Variants in GLOD4 observed in about 807,000 individuals in gnomAD.
GLOD4 encodes glyoxalase domain containing 4.
Under a neutral mutation model 39.1 loss-of-function variants are expected in GLOD4, and 44 were observed. The ratio of observed to expected loss-of-function variants is 1.13; its 90% CI spans 0.88 to 1.45. GLOD4 has a LOEUF of 1.45. GLOD4 is among the 40% of genes most tolerant of loss of function. The probability of loss-of-function intolerance (pLI) is 0.00; values close to 1 mark genes in which losing one functional copy is unlikely to be tolerated. For missense variants in GLOD4, 405 were observed against 366.4 expected (o/e 1.11, Z -0.86); for synonymous variants, 145 against 135.0 (o/e 1.07, Z -0.52).
At chr17:772,867 C>G (rs895840106) in intron 4 of GLOD4, among the ~76,000 whole-genome samples, 1 of 151,854 alleles carries the variant, frequency 6.6e-6, no homozygotes, top group African/African-American at 2.4e-5. Flanking sequence ...TGCTGGCGGG[C>G]GCCTGTGGTC....
At chr17:784,394 G>T (rs1910436776), upstream of GLOD4, among the ~76,000 whole-genome samples, 1 of 152,194 alleles carries the variant, frequency 6.6e-6, no homozygotes, top group South Asian at 2.1e-4. Context: ...ACTAGCTACA[G>T]CCCTCTAATC....
intron 4 of GLOD4, among the ~76,000 whole-genome samples, chr17:775,537 A>G (rs557862705): frequency 5.9e-5 from 9 of 152,356 alleles, no homozygotes; most frequent in Admixed American, 3.9e-4. Context: ...TTATTTACAG[A>G]TGAAAGAATC....
chr17:764,739 T>C (rs1051551931), intron 8 of GLOD4: 5 of 151,300 alleles, frequency 3.3e-5, no homozygotes, highest in African/African-American at 1.2e-4. Flanking sequence ...CCGGGCGCGG[T>C]GGCTCACACC....
At chr17:781,294 T>C (rs533202652) in intron 1 of GLOD4, among the ~76,000 whole-genome samples, 195 of 152,322 alleles carry the variant, frequency 1.3e-3, no homozygotes, top group African/African-American at 4.6e-3. Flanking sequence ...GTTTCTGCTA[T>C]CGAAAGTTTG....
chr17:775,902 A>G lies in GLOD4; in HGVS notation c.279T>C (p.Ser93=). The change falls in exon 4 of 9, where the codon TCT becomes TCC. Residue 93 remains serine, a synonymous_variant. Transcript: ENST00000301329. ...TCCTGGCGTTGCTGACAGCCTGGCTAGAAGCGAGCGTGATTCCCTACAACA... is the reference window on the plus strand; with the variant it reads ...TCCTGGCGTTGCTGACAGCCTGGCTGGAAGCGAGCGTGATTCCCTACAACA... ...GNDFMGITLA[S]SQAVSNARKL... The G allele has an allele frequency of 6.2e-7, 1 of 1,613,494 alleles. No individual in the cohort carries two copies. The highest frequency in any genetic ancestry group is 1.3e-5 in the African/African-American group (1 of 75,056).
intron 8 of GLOD4, among the ~76,000 whole-genome samples, chr17:769,360 G>A (rs1269964897): frequency 2.7e-5 from 4 of 149,826 alleles, no homozygotes; most frequent in Non-Finnish European, 5.9e-5. Flanking sequence ...GAGAGCTGAG[G>A]GGAACGGATG....
upstream of GLOD4, chr17:783,017 C>T: frequency 1.3e-6 from 2 of 1,544,710 alleles, no homozygotes; most frequent in East Asian, 2.3e-5. Flanking sequence ...TCTGTTACAA[C>T]TAAGCGTGTC....
intron 8 of GLOD4, 28 bp downstream of exon 8, chr17:769,841 G>C: frequency 7.9e-7 from 1 of 1,273,462 alleles, no homozygotes; most frequent in Non-Finnish European, 1.2e-6. Flanking sequence ...CAGGCCCATG[G>C]TGACATAAAT....
At chr17:782,316 G>C (rs761090178), upstream of GLOD4, 1 of 1,611,336 alleles carries the variant, frequency 6.2e-7, no homozygotes, top group East Asian at 2.2e-5. Flanking sequence ...AGGGCGCCAC[G>C]GGCCGTGACG....
At chr17:783,394 T>C, upstream of GLOD4, 2 of 1,472,468 alleles carry the variant, frequency 1.4e-6, no homozygotes, top group Non-Finnish European at 1.8e-6. Context: ...TGGAGTGCAA[T>C]GGCGCGATCT....
At chr17:777,079 T>A in intron 2 of GLOD4, 91 bp from the exon 3 acceptor site, 1 of 1,233,714 alleles carries the variant, frequency 8.1e-7, no homozygotes, top group Admixed American at 1.7e-5. Flanking sequence ...GAGATGAGCA[T>A]TCCTGTCTGG....
rs187368355 is a variant in GLOD4, at chr17:761,960, A to G, written c.832-1722T>C. On this transcript the variant is annotated intron_variant, in intron 8 of 8. Coordinates refer to ENST00000301329, the MANE Select transcript of GLOD4 (RefSeq NM_016080.4). ...AGGGGACTTAGGGAGGCAGGTGGGA[A>G]AGAAGGTCAGAGGGTAGAGAATGTC... 1.0e-3 allele frequency among the ~76,000 whole-genome samples: 152 copies of G among 152,336 alleles called. 2 individuals carry two copies. The highest frequency in any genetic ancestry group is 3.6e-3 in the African/African-American group (149 of 41,568).
chr17:774,930 G>C (rs544004874), intron 4 of GLOD4, among the ~76,000 whole-genome samples: 1 of 152,004 alleles, frequency 6.6e-6, no homozygotes, highest in African/African-American at 2.4e-5. Flanking sequence ...TGAGCTGGGC[G>C]TGGTGGCATG....
At chr17:777,531 A>C (rs962678229) in intron 2 of GLOD4, 2 of 153,026 alleles carry the variant, frequency 1.3e-5, no homozygotes, top group African/African-American at 4.8e-5. Context: ...AGTCCCACGT[A>C]CTAGGGAGGC....
chr17:781,021 G>A (rs2750012), intron 1 of GLOD4, among the ~76,000 whole-genome samples: 130,963 of 150,362 alleles, frequency 0.87, 57,241 homozygotes, highest in African/African-American at 0.95. Flanking sequence ...CCCAGATACA[G>A]GCGATTCTCT....
At position 770,075 on chromosome 17, in the gene GLOD4, GCTTTCC is replaced by G; in HGVS notation, c.707_712del (p.Gly236_Lys237del). On this transcript the variant is annotated inframe_deletion, in exon 7 of 9. Transcript: ENST00000301329. ...GGCCAGAATGACCACCTGTACTGTT[GCTTTCC>G]CTGGGGTGTCCAGGCTCACCAGGGG... 6.2e-7 allele frequency: 1 copy of G among 1,611,316 alleles called. No homozygotes were observed. The highest frequency in any genetic ancestry group is 8.5e-7 in the Non-Finnish European group (1 of 1,177,510).
At chr17:771,147 G>A (rs1488736827) in intron 5 of GLOD4, 178 bp downstream of exon 5, 2 of 473,426 alleles carry the variant, frequency 4.2e-6, no homozygotes, top group South Asian at 3.5e-5. Context: ...GTAATATCTG[G>A]GTGGTAAGGT....
intron 4 of GLOD4, 75 bp downstream of exon 4, chr17:775,700 A>G (rs1371071740): frequency 4.8e-6 from 6 of 1,251,752 alleles, no homozygotes; most frequent in Non-Finnish European, 6.9e-6. Flanking sequence ...TACAAAAAAA[A>G]GACAGGCAGC....
chr17:769,786 C>T (rs1907601208), intron 8 of GLOD4, 83 bp downstream of exon 8: 1 of 870,774 alleles, frequency 1.1e-6, no homozygotes, highest in Admixed American at 1.7e-5. Flanking sequence ...GAACCTGGAC[C>T]CTGTTGCTTA....
Sources: allele counts gnomAD v4.1 joint callset (sites outside exome capture counted in the v4.1 genomes callset), GRCh38; gene constraint gnomAD v4.1.1; transcripts MANE v1.5; gene names NCBI Gene and HGNC (gene_info 2026-07-23, HGNC 2026-07-21).